The following MTDH variants were observed in gnomAD, a reference collection of about 807,000 sequenced individuals.
MTDH encodes the protein metadherin.
A neutral mutation model predicts 72.7 loss-of-function variants in MTDH; 34 were observed. The observed-to-expected ratio is 0.47, with a 90% CI of 0.36 to 0.62. The LOEUF (loss-of-function observed/expected upper bound fraction) is 0.62. MTDH is among the 20% of genes least tolerant of loss of function. MTDH has a pLI of 0.00. For synonymous variants in MTDH, 266 were observed against 268.9 expected (o/e 0.99, Z 0.10); for missense variants, 677 against 699.4 (o/e 0.97, Z 0.36).
At chr8:97,685,597 T>C (rs1214722983) in intron 2 of MTDH, among the ~76,000 whole-genome samples, 1 of 151,890 alleles carries the variant, frequency 6.6e-6, no homozygotes, top group African/African-American at 2.4e-5. Flanking sequence ...CTGTCTCTAC[T>C]AAAAATACAA....
At chr8:97,648,100 C>T (rs1811631759) in intron 1 of MTDH, among the ~76,000 whole-genome samples, 1 of 152,146 alleles carries the variant, frequency 6.6e-6, no homozygotes, top group Non-Finnish European at 1.5e-5. Flanking sequence ...GTATTTACCT[C>T]AACCTGTTTA....
intron 6 of MTDH, among the ~76,000 whole-genome samples, chr8:97,693,414 A>G (rs746887571): frequency 2.0e-5 from 3 of 151,640 alleles, no homozygotes; most frequent in Non-Finnish European, 4.4e-5. Context: ...GCTCACTGCA[A>G]CCTCCACCTC....
At chr8:97,704,467 G>C (rs1273962946) in intron 7 of MTDH, among the ~76,000 whole-genome samples, 2 of 152,100 alleles carry the variant, frequency 1.3e-5, no homozygotes, top group Non-Finnish European at 2.9e-5. Flanking sequence ...AATTAGCCAG[G>C]CATGGTGGCA....
rs765930840 is a variant in MTDH at position 97,644,295 on chromosome 8, G to A, written c.-212G>A. 2.1e-4 allele frequency: 126 copies of A among 588,514 alleles called. No individual in the cohort carries two copies. The highest frequency in any genetic ancestry group is 3.0e-4 in the Non-Finnish European group (107 of 358,754). 36.5% of individuals were successfully genotyped at this position (588,514 alleles called of 1,614,324 possible). A position where few individuals can be genotyped will look rare whatever the true frequency, so the allele number is the denominator to read the frequency against. On this transcript the variant is annotated 5_prime_UTR_variant, in exon 1 of 12. Transcript: ENST00000336273. Reference sequence around the variant, plus strand: ...CCTCCCGCCTCCCGGGTCTCCTGGCGGCGGCGGAGTGAGGCTGACAGCGGG... The same window carrying A: ...CCTCCCGCCTCCCGGGTCTCCTGGCAGCGGCGGAGTGAGGCTGACAGCGGG...
rs370748756 is a variant in MTDH at position 97,706,767 on chromosome 8, C to T, written c.1272+17C>T. ...GATCAAAAGGTGAGTATAAGAGATT[C>T]CTGGGTGTTTATTTGTTAATGAAAG... On this transcript the variant is annotated intron_variant, in intron 8 of 11. Coordinates refer to ENST00000336273, the MANE Select transcript of MTDH (RefSeq NM_178812.4). 67 of 1,606,770 alleles carry T rather than the reference C, an allele frequency of 4.2e-5. No individual in the cohort carries two copies. Among genetic ancestry groups the T allele is most frequent in the Non-Finnish European group, 5.4e-5 (63 of 1,176,836 alleles).
In MTDH at chr8:97,728,797, T is replaced by C. The variant is rs1182352744; in HGVS notation, c.*4127T>C. On this transcript the variant is annotated 3_prime_UTR_variant, in exon 12 of 12. Coordinates refer to ENST00000336273, the MANE Select transcript of MTDH (RefSeq NM_178812.4). ...AAAATTAGAAACAAAAAAAAGATTG[T>C]TTCTCTTTCATATTAAAGTTTGGGA... The C allele has an allele frequency of 6.6e-6, 1 of 151,164 alleles. No homozygotes were observed. Among genetic ancestry groups the C allele is most frequent in the Non-Finnish European group, 1.5e-5 (1 of 67,856 alleles). The allele number at this position is 151,164 out of a possible 1,614,324, so 9.4% of individuals were successfully genotyped here.
intron 2 of MTDH, among the ~76,000 whole-genome samples, chr8:97,682,127 T>C (rs748283478): frequency 1.3e-5 from 2 of 150,464 alleles, no homozygotes; most frequent in Non-Finnish European, 1.5e-5. Context: ...TTCAGTAGTA[T>C]GGCCAGGGCA....
At chr8:97,684,506 G>C (rs1450492481) in intron 2 of MTDH, among the ~76,000 whole-genome samples, 1 of 152,152 alleles carries the variant, frequency 6.6e-6, no homozygotes, top group East Asian at 1.9e-4. Flanking sequence ...TTTATAAATT[G>C]TATGTGGCTG....
chr8:97,706,713 T>C lies in MTDH; in HGVS notation c.1235T>C (p.Leu412Pro). 6.2e-7 allele frequency: 1 copy of C among 1,613,970 alleles called. No homozygotes were observed. The highest frequency in any genetic ancestry group is 1.1e-5 in the South Asian group (1 of 91,046). The change falls in exon 8 of 12, where the codon CTT (leucine) becomes CCT (proline). Residue 412 changes from leucine to proline, a missense_variant. Leu to Pro is a moderately conservative substitution (Grantham distance 98). Around this residue, in one of 3 missense-constraint regions of MTDH, gnomAD observed 201 missense variants for 204.5 expected, o/e 0.98. Transcript: ENST00000336273. ...TGGGTAGACGAAGAAAGAGCTTCAC[T>C]TCTAAAGTCCCAGGAACCAATTCCT... Reference protein sequence around the residue: ...GNWVDEERASLLKSQEPIPDD... With the variant: ...GNWVDEERASPLKSQEPIPDD...
chr8:97,662,197 CTTT>C (rs144732695), intron 2 of MTDH, among the ~76,000 whole-genome samples: 1 of 141,906 alleles, frequency 7.0e-6, no homozygotes, highest in Admixed American at 7.1e-5. Context: ...CCTCCCTTTC[CTTT>C]TTTTTTTTTA....
intron 6 of MTDH, among the ~76,000 whole-genome samples, chr8:97,692,295 G>T (rs1479085905): frequency 6.6e-6 from 1 of 152,092 alleles, no homozygotes; most frequent in African/African-American, 2.4e-5. Context: ...CTTACTTTTT[G>T]TAAGTATATT....
At chr8:97,683,128 G>A (rs551867771) in intron 2 of MTDH, among the ~76,000 whole-genome samples, 8 of 130,816 alleles carry the variant, frequency 6.1e-5, no homozygotes, top group African/African-American at 1.2e-4. Context: ...GCAGTGGAGC[G>A]ATCTCAGCTC....
chr8:97,708,580 CCTTTTTTTTTT>C (rs1814472879), intron 8 of MTDH, among the ~76,000 whole-genome samples: 1 of 69,076 alleles, frequency 1.4e-5, no homozygotes, highest in African/African-American at 9.4e-5. Flanking sequence ...CCATGCCAGG[CCTTTTTTTTTT>C]TTTTTTTTTT....
intron 6 of MTDH, among the ~76,000 whole-genome samples, chr8:97,697,150 A>ATATATATATTTTTT: frequency 2.8e-4 from 19 of 68,768 alleles, no homozygotes; most frequent in African/African-American, 1.6e-3. Flanking sequence ...ATATATATAT[A>ATATATATATTTTTT]TTTTTTTTTT....
At chr8:97,707,180 CTTG>C (rs1000027040) in intron 8 of MTDH, among the ~76,000 whole-genome samples, 1 of 137,996 alleles carries the variant, frequency 7.2e-6, no homozygotes, top group South Asian at 2.4e-4. Flanking sequence ...GAGACAGATT[CTTG>C]TTGTGCTGCC....
At position 97,713,707 on chromosome 8, in the gene MTDH, G is replaced by A; in HGVS notation, c.1318G>A (p.Gly440Arg). ...AAAGGGAGAGGGAGCTCTTCCAACTGGGAAATCCAAAAAGAAAAAAAAGAA... is the reference window on the plus strand; with the variant it reads ...AAAGGGAGAGGGAGCTCTTCCAACTAGGAAATCCAAAAAGAAAAAAAAGAA... ...KEKGEGALPT[G>R]KSKKKKKKKK... The change falls in exon 9 of 12, where the codon GGG becomes AGG. Residue 440 changes from glycine to arginine, a missense_variant. By Grantham distance (125) the Gly-to-Arg change is moderately radical (BLOSUM62 -2). Around this residue, in one of 3 missense-constraint regions of MTDH, gnomAD observed 201 missense variants for 204.5 expected, o/e 0.98. Transcript: ENST00000336273. The A allele has an allele frequency of 1.2e-6, 2 of 1,608,752 alleles. No individual in the cohort carries two copies. Among genetic ancestry groups the A allele is most frequent in the African/African-American group, 1.3e-5 (1 of 74,712 alleles).
chr8:97,706,373 A>T (rs1814352034), intron 7 of MTDH: 1 of 228,294 alleles, frequency 4.4e-6, no homozygotes. Flanking sequence ...GGAAGCACAG[A>T]GAGTGGAATC....
chr8:97,717,813 G>C (rs1380955620), intron 9 of MTDH, among the ~76,000 whole-genome samples: 1 of 152,032 alleles, frequency 6.6e-6, no homozygotes, highest in Non-Finnish European at 1.5e-5. Flanking sequence ...GCAGTGGCAC[G>C]ATCTTGGCTC....
At chr8:97,723,989 A>G (rs1026608538) in intron 11 of MTDH, among the ~76,000 whole-genome samples, 34 of 147,266 alleles carry the variant, frequency 2.3e-4, no homozygotes, top group Admixed American at 7.5e-4. Context: ...AACATCTGTA[A>G]TCGCAGCTAC....
Sources: gnomAD v4.1 joint callset for allele counts (sites outside exome capture counted in the v4.1 genomes callset) on GRCh38, gnomAD v4.1.1 for gene constraint, gnomAD v4.1.1 regional missense constraint, MANE v1.5 for transcripts, NCBI Gene and HGNC (gene_info 2026-07-23, HGNC 2026-07-21) for gene names.